Variants in PIK3R5 observed in about 807,000 individuals in gnomAD.
PIK3R5 encodes phosphoinositide-3-kinase regulatory subunit 5, also known as phosphoinositide 3-kinase regulatory subunit 5.
PIK3R5 carries 32 observed loss-of-function variants against 94.9 expected under a neutral mutation model. That is an observed-to-expected ratio of 0.34 (90% CI 0.25 to 0.45). The LOEUF is 0.45. Among genes scored for constraint, PIK3R5 ranks in the 20% least tolerant of loss-of-function variants. PIK3R5 has a pLI of 1.00. For synonymous variants in PIK3R5, 443 were observed against 479.4 expected (o/e 0.92, Z 0.99); for missense variants, 853 against 1,144.6 (o/e 0.75, Z 3.68).
intron 1 of PIK3R5, among the ~76,000 whole-genome samples, chr17:8,940,018 A>T (rs1019093219): frequency 6.6e-6 from 1 of 152,202 alleles, no homozygotes; most frequent in Admixed American, 6.5e-5. Context: ...AATTCCTTTT[A>T]AAAACAACCC....
At chr17:8,962,472 T>C (rs1375138780) in intron 1 of PIK3R5, among the ~76,000 whole-genome samples, 5 of 152,240 alleles carry the variant, frequency 3.3e-5, no homozygotes, top group African/African-American at 4.8e-5. Context: ...CAATGAAAAG[T>C]TCTGATACTT....
chr17:8,895,604 C>T (rs1235238974), intron 5 of PIK3R5, among the ~76,000 whole-genome samples: 1 of 152,204 alleles, frequency 6.6e-6, no homozygotes, highest in African/African-American at 2.4e-5. Flanking sequence ...ACAACCTTCT[C>T]CTTGAAGCTC....
intron 1 of PIK3R5, among the ~76,000 whole-genome samples, chr17:8,941,378 A>G (rs951190379): frequency 6.6e-6 from 1 of 152,208 alleles, no homozygotes; most frequent in Non-Finnish European, 1.5e-5. Flanking sequence ...GGAGAAAGAA[A>G]AAAAGGGGAT....
chr17:8,909,505 T>C lies in PIK3R5; in HGVS notation c.104-331A>G, dbSNP rs940029606. 6.6e-6 allele frequency among the ~76,000 whole-genome samples: 1 copy of C among 152,190 alleles called. No homozygotes were observed. Among genetic ancestry groups the C allele is most frequent in the Admixed American group, 6.5e-5 (1 of 15,270 alleles). ...GGTTTCACCATGTTGGCCAAGATGG[T>C]CTCGATCTCCTGACCTCGTGATCCG... On this transcript the variant is annotated intron_variant, in intron 2 of 18. Coordinates refer to ENST00000447110, the MANE Select transcript of PIK3R5 (RefSeq NM_001142633.3). The surrounding 1 kb of genome is among the most constrained non-coding windows in gnomAD (Gnocchi z 4.3).
chr17:8,907,610 G>A (rs920187807), intron 3 of PIK3R5, among the ~76,000 whole-genome samples: 2 of 143,132 alleles, frequency 1.4e-5, no homozygotes, highest in African/African-American at 5.3e-5. Flanking sequence ...TCCTGCATTG[G>A]TTTTTATCTT....
chr17:8,936,408 A>G (rs566936011), intron 1 of PIK3R5, among the ~76,000 whole-genome samples: 4 of 152,264 alleles, frequency 2.6e-5, no homozygotes, highest in Admixed American at 2.0e-4. Flanking sequence ...CCTATACTCC[A>G]TCTATTCATC....
At chr17:8,885,068 C>A in intron 14 of PIK3R5, 1 of 425,112 alleles carries the variant, frequency 2.4e-6, no homozygotes, top group Non-Finnish European at 4.4e-6. Flanking sequence ...TCACACCTTC[C>A]CAGGGTCCTG....
chr17:8,904,787 G>A lies in PIK3R5; in HGVS notation c.402C>T (p.Leu134=). 1.2e-6 allele frequency: 2 copies of A among 1,614,144 alleles called. No individual in the cohort carries two copies. Among genetic ancestry groups the A allele is most frequent in the South Asian group, 2.2e-5 (2 of 91,072 alleles). ...QELLTFIDAE[L]KAPGISYQRL... The stretch of plus-strand genomic sequence containing the variant: ...TGCCTCAGTGCTTACCTGGGGCCTT[G>A]AGTTCAGCATCAATGAAGGTGAGCA... The change falls in exon 5 of 19, where the codon CTC becomes CTT. Residue 134 remains leucine (L), a synonymous_variant. Coordinates refer to ENST00000447110, the MANE Select transcript of PIK3R5 (RefSeq NM_001142633.3). The surrounding 1 kb of genome is among the most constrained non-coding windows in gnomAD (Gnocchi z 5.1).
intron 14 of PIK3R5, among the ~76,000 whole-genome samples, chr17:8,885,705 C>T (rs1314652231): frequency 1.8e-5 from 2 of 110,100 alleles, no homozygotes; most frequent in Non-Finnish European, 3.7e-5. Flanking sequence ...CCCCGCCCTC[C>T]CATGGCCCCA....
In PIK3R5 at chr17:8,911,479, T is replaced by A. The variant is rs773613607; in HGVS notation, c.16A>T (p.Thr6Ser). 6.3e-7 allele frequency: 1 copy of A among 1,599,536 alleles called. No homozygotes were observed. Among genetic ancestry groups the A allele is most frequent in the Non-Finnish European group, 8.5e-7 (1 of 1,179,734 alleles). MQPGA[T>S]TCTEDRIQHA... ...TGGATGCGGTCCTCCGTGCATGTCG[T>A]GGCCCCTGGCTGCATCCTGGGTCAT... is the stretch of plus-strand genomic sequence containing the variant. The change falls in exon 2 of 19, where the codon ACG becomes TCG. Residue 6 changes from threonine to serine, a missense_variant. By Grantham distance (58) the Thr-to-Ser change is moderately conservative. Coordinates refer to ENST00000447110, the MANE Select transcript of PIK3R5 (RefSeq NM_001142633.3). This position sits in a 1 kb window ranked among gnomAD's most constrained non-coding sequence, Gnocchi z 5.3.
chr17:8,887,281 C>T, intron 11 of PIK3R5, 60 bp from the exon 12 acceptor site: 1 of 1,601,804 alleles, frequency 6.2e-7, no homozygotes, highest in South Asian at 1.1e-5. Context: ...CATCCTAGCT[C>T]CAGGGCCTTG....
intron 1 of PIK3R5, among the ~76,000 whole-genome samples, chr17:8,948,752 T>C (rs982166213): frequency 2.6e-5 from 4 of 152,204 alleles, no homozygotes; most frequent in African/African-American, 9.7e-5. Flanking sequence ...CAGTGGAAGA[T>C]GCTCTATCAG....
Position 8,890,906 on chromosome 17 carries a change from C to T in PIK3R5, c.489G>A (p.Val163=), listed in dbSNP as rs777807408. The change falls in exon 7 of 19, where the codon GTG becomes GTA. Residue 163 remains valine, a synonymous_variant. Transcript: ENST00000447110. This position sits in a 1 kb window ranked among gnomAD's most constrained non-coding sequence, Gnocchi z 6.1. ...GCACTTCCACTGGGTTCAGCAGCAGCACGGTGCTGGGGACACAGGGGACCG... is the reference window on the plus strand; with the variant it reads ...GCACTTCCACTGGGTTCAGCAGCAGTACGGTGCTGGGGACACAGGGGACCG... ...IRSHRSSTVT[V]LLLNPVEVQA... is the part of the protein sequence containing the mutation. The T allele has an allele frequency of 5.0e-6, 8 of 1,613,448 alleles. No individual in the cohort carries two copies. In the Admixed American group the frequency reaches 8.3e-5, roughly 17 times the overall value.
Position 8,890,706 on chromosome 17 carries a change from C to T in PIK3R5, c.657+32G>A, listed in dbSNP as rs1440836869. 1.9e-6 allele frequency: 3 copies of T among 1,575,412 alleles called. No homozygotes were observed. The highest frequency in any genetic ancestry group is 3.6e-5 in the Admixed American group (2 of 54,902). ...AGGGTGCTACCTCCTCAGAGAGGTG[C>T]TCCACCAGAGCCCCAGGCCCCAGGT... is the stretch of plus-strand genomic sequence containing the variant. On this transcript the variant is annotated intron_variant, in intron 7 of 18. Coordinates refer to ENST00000447110, the MANE Select transcript of PIK3R5 (RefSeq NM_001142633.3). The surrounding 1 kb of genome is among the most constrained non-coding windows in gnomAD (Gnocchi z 6.1).
intron 1 of PIK3R5, among the ~76,000 whole-genome samples, chr17:8,963,520 CTTCTTCT>C (rs1478380487): frequency 1.4e-4 from 12 of 85,488 alleles, no homozygotes; most frequent in East Asian, 1.1e-3. Context: ...TCTTCTTCTT[CTTCTTCT>C]TTTTTTTTTT....
Position 8,892,136 on chromosome 17 carries a change from T to C in PIK3R5, c.483-1224A>G, listed in dbSNP as rs541906493. 4.6e-5 allele frequency among the ~76,000 whole-genome samples: 7 copies of C among 152,310 alleles called. No individual in the cohort carries two copies. Among genetic ancestry groups the C allele is most frequent in the African/African-American group, 1.4e-4 (6 of 41,556 alleles). On this transcript the variant is annotated intron_variant, in intron 6 of 18. Coordinates refer to ENST00000447110, the MANE Select transcript of PIK3R5 (RefSeq NM_001142633.3). The surrounding 1 kb of genome is among the most constrained non-coding windows in gnomAD (Gnocchi z 4.3). ...TGCTCTCTCAATTCCACACTGCGTT[T>C]AAACCCAGTGCAAAGGAGCACCACG...
At chr17:8,917,032 G>A (rs1033197839) in intron 1 of PIK3R5, among the ~76,000 whole-genome samples, 4 of 152,056 alleles carry the variant, frequency 2.6e-5, no homozygotes, top group Non-Finnish European at 4.4e-5. Flanking sequence ...CTTACCTTCC[G>A]AGGCTTGACT....
At chr17:8,914,056 T>G (rs1220622099) in intron 1 of PIK3R5, among the ~76,000 whole-genome samples, 1 of 152,170 alleles carries the variant, frequency 6.6e-6, no homozygotes, top group Non-Finnish European at 1.5e-5. Context: ...AGCTCAGGGC[T>G]AACGGCACCT....
intron 14 of PIK3R5, 39 bp downstream of exon 14, chr17:8,886,190 C>T (rs765671293): frequency 6.7e-7 from 1 of 1,503,554 alleles, no homozygotes; most frequent in Non-Finnish European, 9.2e-7. Context: ...GCGTCCCAGG[C>T]CCCGCCTCAC....
Sources: gnomAD v4.1 joint callset for allele counts (sites outside exome capture counted in the v4.1 genomes callset) on GRCh38, gnomAD v4.1.1 for gene constraint, Gnocchi (gnomAD v3.1) non-coding constraint, MANE v1.5 for transcripts, NCBI Gene and HGNC (gene_info 2026-07-23, HGNC 2026-07-21) for gene names.